CCDC102B: variants seen among roughly 807,000 people sequenced by gnomAD.
CCDC102B encodes the protein coiled-coil domain containing 102B.
CCDC102B carries 75 observed loss-of-function variants against 57.4 expected under a neutral mutation model. That is an observed-to-expected ratio of 1.31 (90% CI 1.08 to 1.58). The LOEUF is 1.58. CCDC102B is among the 40% of genes most tolerant of loss of function. The probability of loss-of-function intolerance (pLI) is 0.00; values close to 1 mark genes in which losing one functional copy is unlikely to be tolerated. For missense variants in CCDC102B, 636 were observed against 582.6 expected (o/e 1.09, Z -0.94); for synonymous variants, 206 against 201.9 (o/e 1.02, Z -0.17).
At chr18:68,909,957 G>T (rs958920382) in intron 6 of CCDC102B, among the ~76,000 whole-genome samples, 2 of 152,110 alleles carry the variant, frequency 1.3e-5, no homozygotes, top group Non-Finnish European at 2.9e-5. Context: ...TGTGGTGGGG[G>T]AATGCTGGCA....
chr18:68,922,601 A>G (rs1487615639), intron 6 of CCDC102B, among the ~76,000 whole-genome samples: 1 of 152,146 alleles, frequency 6.6e-6, no homozygotes, highest in African/African-American at 2.4e-5. Context: ...AAGGCCCAGC[A>G]GGTCCAGCCA....
At chr18:68,842,763 A>G (rs182903739) in intron 3 of CCDC102B, among the ~76,000 whole-genome samples, 3 of 152,310 alleles carry the variant, frequency 2.0e-5, no homozygotes, top group Non-Finnish European at 4.4e-5. Flanking sequence ...TAGTGTGCTT[A>G]CAGGAAGATT....
At position 68,898,081 on chromosome 18, in the gene CCDC102B, T is replaced by G. The variant is rs138614165; in HGVS notation, c.1263+653T>G. 2.3e-3 allele frequency among the ~76,000 whole-genome samples: 349 copies of G among 152,198 alleles called. 3 individuals carry two copies. The highest frequency in any genetic ancestry group is 8.1e-3 in the African/African-American group (335 of 41,558). ...GGACATTTTTTTGATAGTTTACAGA[T>G]TTTTAAATGTGCTTTTAATGGCAGT... On this transcript the variant is annotated intron_variant, in intron 6 of 7. Transcript: ENST00000360242.
At chr18:68,918,680 G>A (rs1599690150) in intron 6 of CCDC102B, among the ~76,000 whole-genome samples, 1 of 152,122 alleles carries the variant, frequency 6.6e-6, no homozygotes, top group African/African-American at 2.4e-5. Context: ...TCTGGATTAA[G>A]CATTGTTTGG....
chr18:68,754,778 C>T (rs1041383905), intron 2 of CCDC102B: 1 of 152,106 alleles, frequency 6.6e-6, no homozygotes, highest in African/African-American at 2.4e-5. Context: ...GAAGCTGGAG[C>T]CATTGGTACG....
At chr18:68,812,114 G>A (rs1274573529) in intron 1 of CCDC102B, among the ~76,000 whole-genome samples, 2 of 151,978 alleles carry the variant, frequency 1.3e-5, no homozygotes, top group Non-Finnish European at 2.9e-5. Context: ...TTCTATTGTT[G>A]AAATAAAAAC....
chr18:68,964,651 GAAGT>G (rs1162280993), intron 6 of CCDC102B, among the ~76,000 whole-genome samples: 3 of 151,772 alleles, frequency 2.0e-5, no homozygotes, highest in Non-Finnish European at 4.4e-5. Flanking sequence ...TATTTAAAGT[GAAGT>G]AAGTCGATGA....
In CCDC102B at chr18:68,979,135, T is replaced by G. The variant is rs192849344; in HGVS notation, c.1264-31799T>G. Among the ~76,000 whole-genome samples the G allele has an allele frequency of 1.0e-3, 157 of 152,146 alleles. 1 individual carries two copies. The Middle Eastern group carries it at 0.027, about 26-fold the overall frequency. On this transcript the variant is annotated intron_variant, in intron 6 of 7. Coordinates refer to ENST00000360242, the MANE Select transcript of CCDC102B (RefSeq NM_024781.3). The stretch of plus-strand genomic sequence containing the variant: ...TAAGTGGGAGGTGGGTCCGCAGGGC[T>G]GTTCACTTTTTAACAGTTTATTAAG...
intron 6 of CCDC102B, among the ~76,000 whole-genome samples, chr18:68,928,671 A>T (rs570669051): frequency 2.4e-4 from 36 of 152,048 alleles, no homozygotes; most frequent in African/African-American, 8.4e-4. Flanking sequence ...ACTATTACAA[A>T]CTACTCTTTT....
At chr18:68,828,267 A>G (rs374321058) in intron 1 of CCDC102B, among the ~76,000 whole-genome samples, 21 of 148,670 alleles carry the variant, frequency 1.4e-4, no homozygotes, top group African/African-American at 5.1e-4. Flanking sequence ...ACAATTGCAG[A>G]ATATACATAT....
intron 2 of CCDC102B, among the ~76,000 whole-genome samples, chr18:68,785,610 G>T (rs966213417): frequency 6.7e-6 from 1 of 150,080 alleles, no homozygotes; most frequent in South Asian, 2.2e-4. Flanking sequence ...GTGTTTTTTG[G>T]CTGCATAAAT....
chr18:69,008,130 C>T (rs546960841), intron 6 of CCDC102B, among the ~76,000 whole-genome samples: 1 of 152,326 alleles, frequency 6.6e-6, no homozygotes, highest in Admixed American at 6.5e-5. Flanking sequence ...TTCTTTATGT[C>T]TGACAGATCA....
At chr18:68,961,904 C>A (rs946422977) in intron 6 of CCDC102B, among the ~76,000 whole-genome samples, 4 of 151,974 alleles carry the variant, frequency 2.6e-5, no homozygotes, top group African/African-American at 7.2e-5. Flanking sequence ...TGGGACTCTG[C>A]AAATTTATTT....
intron 6 of CCDC102B, among the ~76,000 whole-genome samples, chr18:68,988,429 A>T (rs1447268419): frequency 6.6e-6 from 1 of 151,890 alleles, no homozygotes; most frequent in African/African-American, 2.4e-5. Flanking sequence ...TTGAGCAAGG[A>T]CCTACTGAGT....
chr18:69,039,059 AG>A (rs1441306743), intron 7 of CCDC102B, among the ~76,000 whole-genome samples: 1 of 149,600 alleles, frequency 6.7e-6, no homozygotes, highest in Non-Finnish European at 1.5e-5. Context: ...ACAGTGCAAC[AG>A]GGGGGTTCCT....
chr18:68,979,793 C>A (rs1211377843), intron 6 of CCDC102B, among the ~76,000 whole-genome samples: 1 of 151,938 alleles, frequency 6.6e-6, no homozygotes, highest in African/African-American at 2.4e-5. Context: ...GGTTCAACCT[C>A]CATTCTGCTC....
chr18:68,917,102 A>G (rs1327620476), intron 6 of CCDC102B, among the ~76,000 whole-genome samples: 2 of 152,224 alleles, frequency 1.3e-5, no homozygotes, highest in Non-Finnish European at 2.9e-5. Context: ...CATTGTTCAT[A>G]GCTTTGTGCT....
chr18:68,999,987 T>C (rs905198901), intron 6 of CCDC102B, among the ~76,000 whole-genome samples: 1 of 152,170 alleles, frequency 6.6e-6, no homozygotes, highest in African/African-American at 2.4e-5. Context: ...TAGTACATGC[T>C]CTCTGGGAAT....
At chr18:68,953,094 C>T (rs182494420) in intron 6 of CCDC102B, among the ~76,000 whole-genome samples, 200 of 152,004 alleles carry the variant, frequency 1.3e-3, no homozygotes, top group African/African-American at 4.7e-3. Flanking sequence ...ATTTTAGAAA[C>T]AATACTGAAA....
Sources: allele counts gnomAD v4.1 joint callset (sites outside exome capture counted in the v4.1 genomes callset), GRCh38; gene constraint gnomAD v4.1.1; transcripts MANE v1.5; gene names NCBI Gene and HGNC (gene_info 2026-07-23, HGNC 2026-07-21).